Variants in CALCOCO2 observed in about 807,000 individuals in gnomAD.
CALCOCO2 encodes the protein calcium binding and coiled-coil domain 2, also known as calcium-binding and coiled-coil domain-containing protein 2.
CALCOCO2 carries 42 observed loss-of-function variants against 62.5 expected under a neutral mutation model. The observed-to-expected ratio is 0.67, with a 90% CI of 0.53 to 0.87. The LOEUF (loss-of-function observed/expected upper bound fraction) is 0.87. Ranked by LOEUF, CALCOCO2 falls within the 40% of genes least tolerant of loss-of-function variation. CALCOCO2 has a pLI of 0.00. For missense variants in CALCOCO2, 456 were observed against 515.0 expected (o/e 0.89, Z 1.11); for synonymous variants, 167 against 173.0 (o/e 0.97, Z 0.27).
chr17:48,835,999 C>T (rs2039885789), intron 1 of CALCOCO2, among the ~76,000 whole-genome samples: 1 of 152,172 alleles, frequency 6.6e-6, no homozygotes. Context: ...GATCCACCCA[C>T]CTCAGCCTCC....
chr17:48,862,039 ACT>A (rs2040335621), intron 11 of CALCOCO2, among the ~76,000 whole-genome samples: 1 of 97,104 alleles, frequency 1.0e-5, no homozygotes, highest in African/African-American at 3.3e-5. Context: ...ACAAAGCGAG[ACT>A]CTGTCTCAAA....
chr17:48,840,923 G>C (rs2039967464), intron 1 of CALCOCO2, among the ~76,000 whole-genome samples: 1 of 152,156 alleles, frequency 6.6e-6, no homozygotes. Flanking sequence ...TAAGTACTTT[G>C]TCATTCAACA....
intron 1 of CALCOCO2, among the ~76,000 whole-genome samples, chr17:48,839,827 C>T (rs999024615): frequency 6.6e-6 from 1 of 151,678 alleles, no homozygotes; most frequent in African/African-American, 2.4e-5. Flanking sequence ...AGGCATGTGC[C>T]ACCACGCCCA....
intron 10 of CALCOCO2, among the ~76,000 whole-genome samples, chr17:48,856,778 CTT>C (rs549613504): frequency 7.2e-6 from 1 of 138,992 alleles, no homozygotes. Flanking sequence ...TCTTTCTTTT[CTT>C]TTTTTTTTTT....
chr17:48,841,703 C>G lies in CALCOCO2; in HGVS notation c.-5C>G. 15 of 1,607,170 alleles carry G rather than the reference C, an allele frequency of 9.3e-6. No homozygotes were observed. The highest frequency in any genetic ancestry group is 1.2e-5 in the Non-Finnish European group (14 of 1,175,756). Reference sequence around the variant, plus strand: ...TGTTCCACATTTCATAACAGGACCCCTACCATGGAGGAGACCATCAAAGAT... The same window carrying G: ...TGTTCCACATTTCATAACAGGACCCGTACCATGGAGGAGACCATCAAAGAT... On this transcript the variant is annotated 5_prime_UTR_variant, in exon 2 of 13. Transcript: ENST00000258947.
chr17:48,843,493 CTTCA>C (rs1212101322), intron 2 of CALCOCO2, among the ~76,000 whole-genome samples: 1 of 152,150 alleles, frequency 6.6e-6, no homozygotes, highest in East Asian at 1.9e-4. Context: ...TATTTATATC[CTTCA>C]TTGAATTCCT....
chr17:48,858,724 C>G (rs1005103041), intron 10 of CALCOCO2, among the ~76,000 whole-genome samples: 12 of 151,664 alleles, frequency 7.9e-5, no homozygotes, highest in African/African-American at 2.9e-4. Flanking sequence ...ACACAGTTTG[C>G]AAAACAAAGG....
rs376579084 is a variant in CALCOCO2, at chr17:48,856,521, A to G, written c.1008+334A>G. 1.3e-4 allele frequency: 60 copies of G among 460,874 alleles called. No homozygotes were observed. The East Asian group carries it at 2.2e-3, about 17-fold the overall frequency. The allele number at this position is 460,874 out of a possible 1,614,324, so 28.5% of individuals were successfully genotyped here. ...ATAACGTCCTACATAACTTTATGCT[A>G]GTGGGGAACTCCTTTTCTTCAGCAC... is the stretch of plus-strand genomic sequence containing the variant. On this transcript the variant is annotated intron_variant, in intron 10 of 12. Transcript: ENST00000258947.
rs1598045802 is a variant in CALCOCO2 at position 48,858,054 on chromosome 17, T to TAGAATAGAATAGAATAGAATAGAAC, written c.1008+1887_1008+1888insAGAACAGAATAGAATAGAATAGAAT. 4.3e-5 allele frequency among the ~76,000 whole-genome samples: 6 copies of TAGAATAGAATAGAATAGAATAGAAC among 139,648 alleles called. 2 individuals are homozygous for TAGAATAGAATAGAATAGAATAGAAC. The highest frequency in any genetic ancestry group is 6.3e-5 in the Non-Finnish European group (4 of 63,548). 91.6% of individuals were successfully genotyped at this position (139,648 alleles called of 152,430 possible). On this transcript the variant is annotated intron_variant, in intron 10 of 12. Coordinates refer to ENST00000258947, the MANE Select transcript of CALCOCO2 (RefSeq NM_005831.5). The stretch of plus-strand genomic sequence containing the variant: ...GAATAGAATAGAATAGAAAATAGAA[T>TAGAATAGAATAGAATAGAATAGAAC]AGAATAGAATAGAATAGAATTTTAC...
intron 10 of CALCOCO2, among the ~76,000 whole-genome samples, chr17:48,857,347 G>A (rs1465814185): frequency 6.6e-6 from 1 of 150,842 alleles, no homozygotes; most frequent in African/African-American, 2.4e-5. Flanking sequence ...ACAGGCAATT[G>A]CCACCACGCC....
intron 1 of CALCOCO2, among the ~76,000 whole-genome samples, chr17:48,840,888 T>TA (rs1301689422): frequency 6.6e-6 from 1 of 152,238 alleles, no homozygotes; most frequent in Non-Finnish European, 1.5e-5. Flanking sequence ...TAACGTCTCT[T>TA]AAACCCTTTA....
intron 1 of CALCOCO2, among the ~76,000 whole-genome samples, chr17:48,835,442 A>G (rs760212036): frequency 3.3e-5 from 5 of 152,214 alleles, no homozygotes; most frequent in Non-Finnish European, 7.3e-5. Context: ...TGAGTTCTCA[A>G]TACCTCACAT....
intron 9 of CALCOCO2, among the ~76,000 whole-genome samples, chr17:48,854,330 A>AAG (rs1465507016): frequency 3.9e-5 from 5 of 127,844 alleles, no homozygotes; most frequent in Admixed American, 2.5e-4. Context: ...AAAAAAAAAA[A>AAG]AAGGTTTGAA....
At chr17:48,844,279 T>A (rs2040016344) in intron 2 of CALCOCO2, among the ~76,000 whole-genome samples, 1 of 152,134 alleles carries the variant, frequency 6.6e-6, no homozygotes, top group East Asian at 1.9e-4. Context: ...GTACAGATCA[T>A]GAAAAAGAGA....
At chr17:48,845,926 C>CTACTGT (rs1158263366) in intron 2 of CALCOCO2, 1 of 478,536 alleles carries the variant, frequency 2.1e-6, no homozygotes, top group African/African-American at 2.0e-5. Flanking sequence ...CTCCTCTACT[C>CTACTGT]TGCTGAATTC....
At chr17:48,857,977 T>TTG (rs1567758975) in intron 10 of CALCOCO2, among the ~76,000 whole-genome samples, 489 of 18,334 alleles carry the variant, frequency 0.027, 17 homozygotes, top group African/African-American at 0.058. Context: ...ACTACATCAA[T>TTG]AGAATAGAAT....
At chr17:48,844,517 C>A (rs756528662) in intron 2 of CALCOCO2, among the ~76,000 whole-genome samples, 1 of 151,702 alleles carries the variant, frequency 6.6e-6, no homozygotes, top group Non-Finnish European at 1.5e-5. Flanking sequence ...TGCAATGGCG[C>A]GATCTTGGCT....
At chr17:48,841,017 C>T (rs2039968470) in intron 1 of CALCOCO2, among the ~76,000 whole-genome samples, 1 of 152,124 alleles carries the variant, frequency 6.6e-6, no homozygotes, top group Non-Finnish European at 1.5e-5. Flanking sequence ...TTATGCCTCA[C>T]AAAAAACTAA....
At chr17:48,858,054 T>TAGAATAGAAC (rs2040265387) in intron 10 of CALCOCO2, among the ~76,000 whole-genome samples, 5 of 139,646 alleles carry the variant, frequency 3.6e-5, no homozygotes, top group Non-Finnish European at 6.3e-5. Flanking sequence ...GAAAATAGAA[T>TAGAATAGAAC]AGAATAGAAT....
Sources: gnomAD v4.1 joint callset for allele counts (sites outside exome capture counted in the v4.1 genomes callset) on GRCh38, gnomAD v4.1.1 for gene constraint, MANE v1.5 for transcripts, NCBI Gene and HGNC (gene_info 2026-07-23, HGNC 2026-07-21) for gene names.